The following MKLN1 variants were observed in gnomAD, a reference collection of about 807,000 sequenced individuals.
MKLN1 encodes the protein muskelin 1.
A neutral mutation model predicts 99.0 loss-of-function variants in MKLN1; 18 were observed. The observed-to-expected ratio is 0.18, with a 90% CI of 0.13 to 0.27. MKLN1 has a LOEUF of 0.27. Ranked by LOEUF, MKLN1 falls within the 10% of genes least tolerant of loss-of-function variation. The pLI is 1.00. For missense variants in MKLN1, 621 were observed against 875.9 expected (o/e 0.71, Z 3.67); for synonymous variants, 288 against 293.2 (o/e 0.98, Z 0.18).
intron 2 of MKLN1, among the ~76,000 whole-genome samples, chr7:131,149,396 A>AATTTGATGCCC (rs1174632633): frequency 3.3e-5 from 2 of 59,940 alleles, no homozygotes; most frequent in Admixed American, 1.4e-4. Context: ...AGGAATAGTT[A>AATTTGATGCCC]ATTTGATGCC....
chr7:131,261,211 T>C lies in MKLN1; in HGVS notation c.-179+58237T>C, dbSNP rs1797726866. 2.0e-5 allele frequency among the ~76,000 whole-genome samples: 3 copies of C among 152,074 alleles called. No homozygotes were observed. The South Asian group carries it at 6.2e-4, about 31-fold the overall frequency. On this transcript the variant is annotated intron_variant, in intron 3 of 7. Coordinates refer to the MKLN1 transcript ENST00000416992. ...CTATCAACCAAGTAAACAGACAACC[T>C]ACAGAATGAGAGAAAGTATTTGCAA...
intron 3 of MKLN1, among the ~76,000 whole-genome samples, chr7:131,213,247 A>G (rs1440472114): frequency 6.6e-6 from 1 of 152,100 alleles, no homozygotes; most frequent in Non-Finnish European, 1.5e-5. Context: ...TATTTTATTC[A>G]TTATTATTTT....
chr7:131,145,373 A>G (rs1244121612), intron 2 of MKLN1, among the ~76,000 whole-genome samples: 3 of 152,168 alleles, frequency 2.0e-5, no homozygotes, highest in Non-Finnish European at 4.4e-5. Context: ...TAAGAAGATG[A>G]GTCAACACAG....
chr7:131,153,596 T>C (rs1778172607), intron 2 of MKLN1, among the ~76,000 whole-genome samples: 1 of 151,350 alleles, frequency 6.6e-6, no homozygotes. Flanking sequence ...GAGGACTGGT[T>C]GAATAAACTA....
chr7:131,223,729 C>G (rs894841631), intron 3 of MKLN1, among the ~76,000 whole-genome samples: 13 of 152,134 alleles, frequency 8.5e-5, no homozygotes, highest in Admixed American at 2.6e-4. Flanking sequence ...TTCTGAGTTA[C>G]AGCCTCAGCT....
At chr7:131,458,126 C>A (rs1033639806) in intron 12 of MKLN1, among the ~76,000 whole-genome samples, 1 of 152,168 alleles carries the variant, frequency 6.6e-6, no homozygotes, top group South Asian at 2.1e-4. Context: ...AAGCAGATGA[C>A]CTGTAAGGGA....
intron 3 of MKLN1, among the ~76,000 whole-genome samples, chr7:131,237,741 G>A (rs981363315): frequency 5.9e-5 from 9 of 152,128 alleles, no homozygotes; most frequent in Non-Finnish European, 1.2e-4. Flanking sequence ...AGGTAAAGAT[G>A]GAGATAAGAG....
At chr7:131,324,425 C>T (rs17815356), upstream of MKLN1, 68,238 of 152,000 alleles carry the variant, frequency 0.45, 16,824 homozygotes, top group Admixed American at 0.59. Context: ...AGATGTTTTA[C>T]CTAAAAGGAA....
At chr7:131,477,602 A>G (rs921559640) in intron 16 of MKLN1, among the ~76,000 whole-genome samples, 2 of 152,324 alleles carry the variant, frequency 1.3e-5, no homozygotes, top group African/African-American at 4.8e-5. Flanking sequence ...AAGAACTTCT[A>G]TACATTTTTA....
At chr7:131,137,117 T>C (rs1795660293) in intron 1 of MKLN1, among the ~76,000 whole-genome samples, 1 of 152,134 alleles carries the variant, frequency 6.6e-6, no homozygotes, top group African/African-American at 2.4e-5. Context: ...CCTTCCAAAA[T>C]GCAGGGGTTA....
chr7:131,251,587 A>G (rs1797579218), intron 3 of MKLN1, among the ~76,000 whole-genome samples: 1 of 152,212 alleles, frequency 6.6e-6, no homozygotes, highest in Non-Finnish European at 1.5e-5. Flanking sequence ...TAAGGCCCTC[A>G]TAAAGATTCT....
intron 1 of MKLN1, among the ~76,000 whole-genome samples, chr7:131,113,667 CAAAAAAAAA>C (rs71168363): frequency 1.0e-5 from 1 of 96,504 alleles, no homozygotes; most frequent in African/African-American, 3.6e-5. Flanking sequence ...TACAAAAATA[CAAAAAAAAA>C]AAAAAAAAAA....
At chr7:131,158,307 T>C (rs1795998011) in intron 2 of MKLN1, among the ~76,000 whole-genome samples, 1 of 152,024 alleles carries the variant, frequency 6.6e-6, no homozygotes, top group Non-Finnish European at 1.5e-5. Context: ...CTGGGCATGG[T>C]GGCAAAGTCC....
chr7:131,303,956 T>G (rs1798414835), intron 3 of MKLN1, among the ~76,000 whole-genome samples: 1 of 152,166 alleles, frequency 6.6e-6, no homozygotes, highest in Non-Finnish European at 1.5e-5. Context: ...TTAAACATAA[T>G]AATACACTAG....
upstream of MKLN1, among the ~76,000 whole-genome samples, chr7:131,325,733 C>T (rs2116673652): frequency 6.6e-6 from 1 of 151,696 alleles, no homozygotes; most frequent in South Asian, 2.1e-4. Flanking sequence ...ATTTCCAGGA[C>T]CAAACAGTCT....
At chr7:131,272,065 T>C (rs1211298309) in intron 3 of MKLN1, among the ~76,000 whole-genome samples, 1 of 152,160 alleles carries the variant, frequency 6.6e-6, no homozygotes, top group Non-Finnish European at 1.5e-5. Context: ...TGGTCATTGC[T>C]GGGACAGACA....
intron 6 of MKLN1, among the ~76,000 whole-genome samples, chr7:131,405,350 AAT>A (rs1794668472): frequency 1.4e-5 from 2 of 145,976 alleles, no homozygotes; most frequent in South Asian, 4.3e-4. Context: ...ACTTATCTTG[AAT>A]ATATATATAT....
rs781276548 is a variant in MKLN1, at chr7:131,399,414, G to A, written c.684G>A (p.Leu228=). The A allele has an allele frequency of 1.2e-6, 2 of 1,613,866 alleles. No homozygotes were observed. Among genetic ancestry groups the A allele is most frequent in the Admixed American group, 1.7e-5 (1 of 60,014 alleles). ...LKGDFDACEE[L]IEKAVNDGLF... ...GTGATTTTGATGCTTGCGAAGAGTTGATTGAAAAGGCTGTAAATGGTATGA... is the reference window on the plus strand; with the variant it reads ...GTGATTTTGATGCTTGCGAAGAGTTAATTGAAAAGGCTGTAAATGGTATGA... The change falls in exon 6 of 18, where the codon TTG becomes TTA. Residue 228 remains leucine (L), a synonymous_variant. Transcript: ENST00000352689.
intron 3 of MKLN1, among the ~76,000 whole-genome samples, chr7:131,230,929 T>C (rs546946539): frequency 6.6e-6 from 1 of 151,924 alleles, no homozygotes; most frequent in Non-Finnish European, 1.5e-5. Context: ...GAGACCAACC[T>C]GGCCAACATG....
Sources: allele counts gnomAD v4.1 joint callset (sites outside exome capture counted in the v4.1 genomes callset), GRCh38; gene constraint gnomAD v4.1.1; transcripts MANE v1.5; gene names NCBI Gene and HGNC (gene_info 2026-07-23, HGNC 2026-07-21).